Variants in TRPC5 observed in about 807,000 individuals in gnomAD.
TRPC5 encodes the protein transient receptor potential cation channel subfamily C member 5, also known as short transient receptor potential channel 5.
A neutral mutation model predicts 56.5 loss-of-function variants in TRPC5; 9 were observed. That is an observed-to-expected ratio of 0.16 (90% confidence interval 0.10 to 0.28). The LOEUF (loss-of-function observed/expected upper bound fraction) is 0.28. Among genes scored for constraint, TRPC5 ranks in the 10% least tolerant of loss-of-function variants. TRPC5 has a pLI of 1.00. For missense variants in TRPC5, 469 were observed against 748.9 expected (o/e 0.63, Z 4.36); for synonymous variants, 282 against 278.5 (o/e 1.01, Z -0.13).
intron 2 of TRPC5, among the ~76,000 whole-genome samples, chrX:111,917,396 C>A (rs1402807298): frequency 8.9e-6 from 1 of 112,056 alleles, no homozygotes; most frequent in Non-Finnish European, 1.9e-5. Context: ...TAAAAAATAA[C>A]AAATTTAAGG....
rs1176272343 is a variant in TRPC5, at chrX:112,011,280, C to CT, written c.-21-58840dup. Among the ~76,000 whole-genome samples the CT allele has an allele frequency of 2.7e-5, 3 of 111,625 alleles. No homozygotes were observed. In the East Asian group the frequency reaches 8.4e-4, roughly 31 times the overall value. On this transcript the variant is annotated intron_variant, in intron 1 of 10. Coordinates refer to ENST00000262839, the MANE Select transcript of TRPC5 (RefSeq NM_012471.3). ...AGGAAAGGACCTAAACTGACAGTGC[C>CT]TGAACAAGTCAGAATGTATCTAATC... is the stretch of plus-strand genomic sequence containing the variant.
rs6642946 is a variant in TRPC5 at position 111,842,081 on chromosome X, G to C, written c.1700+5033C>G. Among the ~76,000 whole-genome samples, 7 of 72,572 alleles carry C rather than the reference G, an allele frequency of 9.6e-5. No individual in the cohort carries two copies. The South Asian group carries it at 2.9e-3, about 30-fold the overall frequency. 63.0% of individuals were successfully genotyped at this position (72,572 alleles called of 115,157 possible). On this transcript the variant is annotated intron_variant, in intron 6 of 10. Coordinates refer to ENST00000262839, the MANE Select transcript of TRPC5 (RefSeq NM_012471.3). ...TCTATCTATCTATCTATCTATCTAT[G>C]TGTGTGTGTATATATGTATGTGTGT...
intron 2 of TRPC5, among the ~76,000 whole-genome samples, chrX:111,942,160 A>C (rs766958435): frequency 9.0e-6 from 1 of 111,047 alleles, no homozygotes; most frequent in Non-Finnish European, 1.9e-5. Flanking sequence ...GTAGTTGTTT[A>C]ATTGTTGTTT....
chrX:111,905,710 G>T (rs12012085), intron 3 of TRPC5, among the ~76,000 whole-genome samples: 4 of 108,792 alleles, frequency 3.7e-5, no homozygotes, highest in Non-Finnish European at 5.7e-5. Flanking sequence ...GTCAGGAGAT[G>T]GAGACCATCC....
chrX:111,880,814 C>T lies in TRPC5; in HGVS notation c.901-26708G>A, dbSNP rs763993604. 2.7e-5 allele frequency among the ~76,000 whole-genome samples: 3 copies of T among 112,429 alleles called. No homozygotes were observed. The South Asian group carries it at 1.1e-3, about 42-fold the overall frequency. On this transcript the variant is annotated intron_variant, in intron 3 of 10. Transcript: ENST00000262839. ...TGAAGCTAATAGACAAGAATGACTA[C>T]CTATGCTCTGGTCTGGATTTATCAT...
rs1207659726 is a variant in TRPC5 at position 111,774,235 on chromosome X, A to G, written c.*2078T>C. The G allele has an allele frequency of 8.9e-6, 1 of 111,922 alleles. No individual in the cohort carries two copies. Among genetic ancestry groups the G allele is most frequent in the Non-Finnish European group, 1.9e-5 (1 of 53,123 alleles). The allele number at this position is 111,922 out of a possible 1,213,427, so 9.2% of individuals were successfully genotyped here. On this transcript the variant is annotated 3_prime_UTR_variant, in exon 11 of 11. Transcript: ENST00000262839. ...TAAGGTCACTGCTAGAAAACTTATA[A>G]GTTTTCAGAAGTGATATACATTTCT...
chrX:111,932,137 G>A (rs1432851877), intron 2 of TRPC5, among the ~76,000 whole-genome samples: 1 of 111,573 alleles, frequency 9.0e-6, no homozygotes, highest in East Asian at 2.8e-4. Flanking sequence ...GAAGGCAATG[G>A]ACAGAGACAG....
At chrX:111,905,304 A>G (rs1314495526) in intron 3 of TRPC5, among the ~76,000 whole-genome samples, 1 of 111,012 alleles carries the variant, frequency 9.0e-6, no homozygotes, top group Non-Finnish European at 1.9e-5. Flanking sequence ...CATATTTAAA[A>G]CTGGTTTTCT....
chrX:111,913,662 G>A (rs141034920), intron 2 of TRPC5, among the ~76,000 whole-genome samples: 1,913 of 111,392 alleles, frequency 0.017, 31 homozygotes, highest in African/African-American at 0.059. Context: ...AAAATCTTTC[G>A]ACTTTAAAAT....
At chrX:112,020,035 G>T (rs182324843) in intron 1 of TRPC5, among the ~76,000 whole-genome samples, 1 of 111,610 alleles carries the variant, frequency 9.0e-6, no homozygotes, top group East Asian at 2.8e-4. Context: ...ATTCATCCTC[G>T]CATTCGTATC....
intron 7 of TRPC5, among the ~76,000 whole-genome samples, chrX:111,783,372 A>C (rs780191524): frequency 1.8e-5 from 2 of 111,629 alleles, no homozygotes; most frequent in Non-Finnish European, 3.8e-5. Context: ...TAAAATGCCA[A>C]ACTGTTTCCA....
chrX:111,876,458 G>A (rs942505484), intron 3 of TRPC5, among the ~76,000 whole-genome samples: 3 of 111,421 alleles, frequency 2.7e-5, no homozygotes, highest in African/African-American at 9.8e-5. Context: ...TTATTCAAGT[G>A]GGATACATAT....
rs927709110 is a variant in TRPC5 at position 112,021,693 on chromosome X, G to A, written c.-22+60186C>T. Among the ~76,000 whole-genome samples the A allele has an allele frequency of 5.3e-5, 6 of 112,391 alleles. No homozygotes were observed. In the South Asian group the frequency reaches 2.2e-3, roughly 42 times the overall value. On this transcript the variant is annotated intron_variant, in intron 1 of 10. Coordinates refer to ENST00000262839, the MANE Select transcript of TRPC5 (RefSeq NM_012471.3). ...GGAAATAATAGACATTGAACAGTCA[G>A]GATAATTGAATATACCTGTTCTAAA...
At chrX:112,064,875 C>G in intron 1 of TRPC5, among the ~76,000 whole-genome samples, 1 of 110,535 alleles carries the variant, frequency 9.0e-6, no homozygotes. Flanking sequence ...GAGATCGAGA[C>G]CATCCTGGCT....
intron 2 of TRPC5, among the ~76,000 whole-genome samples, chrX:111,926,299 G>T (rs979035979): frequency 9.8e-5 from 11 of 111,975 alleles, no homozygotes. Context: ...AGGAGAGTTT[G>T]TTGGAATTTT....
chrX:111,904,101 C>T (rs2066678818), intron 3 of TRPC5: 2 of 111,768 alleles, frequency 1.8e-5, no homozygotes, highest in Admixed American at 9.5e-5. Flanking sequence ...AATGTTGTAC[C>T]AGGATTCTGA....
intron 7 of TRPC5, among the ~76,000 whole-genome samples, chrX:111,790,524 G>A (rs938919102): frequency 1.3e-4 from 14 of 111,417 alleles, no homozygotes; most frequent in South Asian, 3.8e-4. Context: ...ACACCTGTAC[G>A]TTGTGCACAT....
rs1175717850 is a variant in TRPC5, at chrX:111,774,464, C to T, written c.*1849G>A. 9.0e-6 allele frequency: 1 copy of T among 111,540 alleles called. No homozygotes were observed. Among genetic ancestry groups the T allele is most frequent in the Admixed American group, 9.6e-5 (1 of 10,468 alleles). The allele number at this position is 111,540 out of a possible 1,213,427, so 9.2% of individuals were successfully genotyped here. ...CAAGGCCATTTTATGACAGTCTTAG[C>T]GAAGCAGGGGAGAAATTGATTTGAG... On this transcript the variant is annotated 3_prime_UTR_variant, in exon 11 of 11. Transcript: ENST00000262839.
intron 3 of TRPC5, among the ~76,000 whole-genome samples, chrX:111,859,136 A>AT (rs944413635): frequency 3.2e-4 from 35 of 108,714 alleles, no homozygotes; most frequent in South Asian, 7.9e-4. Context: ...TCCAGCTTAA[A>AT]TTTTTTTTTT....
Sources: allele counts gnomAD v4.1 joint callset (sites outside exome capture counted in the v4.1 genomes callset), GRCh38; gene constraint gnomAD v4.1.1; transcripts MANE v1.5; gene names NCBI Gene and HGNC (gene_info 2026-07-23, HGNC 2026-07-21).